The following MTARC2 variants were observed in gnomAD, a reference collection of about 807,000 sequenced individuals.
MTARC2 encodes mitochondrial amidoxime reducing component 2.
MTARC2 carries 27 observed loss-of-function variants against 35.6 expected under a neutral mutation model. The observed-to-expected ratio is 0.76, with a 90% confidence interval of 0.56 to 1.04. MTARC2 has a LOEUF of 1.04. MTARC2 is among the 50% of genes least tolerant of loss of function. The pLI is 0.00. For synonymous variants in MTARC2, 158 were observed against 167.1 expected (o/e 0.95, Z 0.42); for missense variants, 412 against 432.5 (o/e 0.95, Z 0.42).
At chr1:220,755,251 G>A (rs1228825003) in intron 2 of MTARC2, 131 bp downstream of exon 2, 5 of 1,010,990 alleles carry the variant, frequency 4.9e-6, no homozygotes, top group Non-Finnish European at 6.9e-6. Flanking sequence ...TAAGAGAAGT[G>A]CAGTTTGAGT....
intron 4 of MTARC2, among the ~76,000 whole-genome samples, chr1:220,775,360 C>A (rs894679180): frequency 6.6e-5 from 10 of 152,140 alleles, no homozygotes; most frequent in Non-Finnish European, 1.3e-4. Context: ...TTGAAAACTC[C>A]ATAGTTTTAT....
intron 2 of MTARC2, among the ~76,000 whole-genome samples, chr1:220,756,892 C>T (rs943931274): frequency 4.6e-5 from 7 of 152,140 alleles, no homozygotes; most frequent in African/African-American, 1.7e-4. Flanking sequence ...GCAATTGCAG[C>T]CTATTCTTTT....
chr1:220,748,868 T>G (rs1210871566), intron 1 of MTARC2, 65 bp downstream of exon 1: 1 of 1,473,360 alleles, frequency 6.8e-7, no homozygotes, highest in Non-Finnish European at 9.0e-7. Context: ...GGGGGGCAGG[T>G]GGGGCCCGAT....
intron 4 of MTARC2, among the ~76,000 whole-genome samples, chr1:220,777,506 A>T (rs2067632): frequency 0.016 from 2,458 of 152,314 alleles, 40 homozygotes; most frequent in East Asian, 0.056. Context: ...GCCCAAGCGA[A>T]GCAGCCAGGG....
chr1:220,781,064 A>G (rs2102573796), intron 6 of MTARC2, among the ~76,000 whole-genome samples: 1 of 150,598 alleles, frequency 6.6e-6, no homozygotes, highest in African/African-American at 2.5e-5. Context: ...CCCAACGAAG[A>G]TAGTGATTTA....
intron 1 of MTARC2, among the ~76,000 whole-genome samples, chr1:220,751,244 G>C (rs1450561199): frequency 6.6e-6 from 1 of 152,140 alleles, no homozygotes; most frequent in Non-Finnish European, 1.5e-5. Flanking sequence ...AAGGTATTTT[G>C]TTCAAAGCTC....
rs556832311 is a variant in MTARC2 at position 220,754,347 on chromosome 1, T to C, written c.273-600T>C. 1.1e-3 allele frequency: 490 copies of C among 456,290 alleles called. 1 individual carries two copies. Among genetic ancestry groups the C allele is most frequent in the Middle Eastern group, 5.5e-3 (17 of 3,076 alleles). 28.3% of individuals were successfully genotyped at this position (456,290 alleles called of 1,614,324 possible). On this transcript the variant is annotated intron_variant, in intron 1 of 7. Transcript: ENST00000366913. ...TCTTATCTAACATGTGACTTCTGTGTGTCTTTGTTCTCTATGTCAGAATGT... is the reference window on the plus strand; with the variant it reads ...TCTTATCTAACATGTGACTTCTGTGCGTCTTTGTTCTCTATGTCAGAATGT...
chr1:220,761,623 G>A (rs372381002), intron 2 of MTARC2, 35 bp from the exon 3 acceptor site: 1 of 1,586,890 alleles, frequency 6.3e-7, no homozygotes, highest in East Asian at 2.2e-5. Flanking sequence ...ATTGATATAA[G>A]TAAGTAACCT....
chr1:220,760,108 C>T (rs75718666), intron 2 of MTARC2, among the ~76,000 whole-genome samples: 12,513 of 152,160 alleles, frequency 0.082, 1,004 homozygotes, highest in East Asian at 0.24. Context: ...TCAGCAAGTT[C>T]TCCGGTCTCA....
chr1:220,755,971 A>G (rs535130141), intron 2 of MTARC2, among the ~76,000 whole-genome samples: 2 of 152,316 alleles, frequency 1.3e-5, no homozygotes, highest in Admixed American at 1.3e-4. Context: ...TAGCAGCTGT[A>G]TCTCAGGGCT....
At chr1:220,758,975 T>C (rs1011182884) in intron 2 of MTARC2, among the ~76,000 whole-genome samples, 1 of 152,190 alleles carries the variant, frequency 6.6e-6, no homozygotes, top group Non-Finnish European at 1.5e-5. Flanking sequence ...ACCTTATCTA[T>C]GAATATTATT....
Position 220,782,067 on chromosome 1 carries a change from G to A in MTARC2, c.*31+135G>A, listed in dbSNP as rs749924903. ...TTTTATATTCTGATCTTTGGAGTTG[G>A]AAAATGCCCTTAATTTCTGTTCCCT... is the stretch of plus-strand genomic sequence containing the variant. On this transcript the variant is annotated intron_variant, in intron 7 of 7. Transcript: ENST00000366913. The A allele has an allele frequency of 1.0e-5, 8 of 785,942 alleles. No homozygotes were observed. In the South Asian group the frequency reaches 2.0e-4, roughly 20 times the overall value. 48.7% of individuals were successfully genotyped at this position (785,942 alleles called of 1,614,324 possible). A position where few individuals can be genotyped will look rare whatever the true frequency, so the allele number is the denominator to read the frequency against.
chr1:220,770,471 G>A, intron 4 of MTARC2: 1 of 985,412 alleles, frequency 1.0e-6, no homozygotes, highest in Non-Finnish European at 1.2e-6. Context: ...TCGATCCCTT[G>A]TAAGGAGAGG....
rs778354953 is a variant in MTARC2, at chr1:220,781,856, A to C, written c.963A>C (p.Lys321Asn). The C allele has an allele frequency of 6.2e-7, 1 of 1,614,186 alleles. No individual in the cohort carries two copies. Among genetic ancestry groups the C allele is most frequent in the Non-Finnish European group, 8.5e-7 (1 of 1,180,034 alleles). Residue 321 changes from lysine (K) to asparagine (N), a missense_variant, in exon 7 of 8, where the codon AAA becomes AAC. Physicochemically the swap from Lys to Asn is moderately conservative, Grantham distance 94. Transcript: ENST00000366913. The part of the protein sequence containing the change: ...PLFGIYYSVE[K>N]IGSLRVGDPV... ...TTGGGATCTATTATTCAGTGGAAAA[A>C]ATTGGAAGCCTGAGAGTTGGTGACC...
At chr1:220,750,322 TTAGTG>T (rs1671095785) in intron 1 of MTARC2, among the ~76,000 whole-genome samples, 1 of 152,054 alleles carries the variant, frequency 6.6e-6, no homozygotes, top group Admixed American at 6.5e-5. Flanking sequence ...CCAGAGAAAA[TTAGTG>T]TTGCAGGCTA....
chr1:220,774,595 G>A (rs539862591), intron 4 of MTARC2, among the ~76,000 whole-genome samples: 3,611 of 152,300 alleles, frequency 0.024, 109 homozygotes, highest in African/African-American at 0.064. Flanking sequence ...TGAAGGGGCT[G>A]GGATGGTGGT....
In MTARC2 at chr1:220,764,774, TA is replaced by T. The variant is rs199669863; in HGVS notation, c.750+1736del. On this transcript the variant is annotated intron_variant, in intron 4 of 7. Coordinates refer to ENST00000366913, the MANE Select transcript of MTARC2 (RefSeq NM_017898.5). ...GTGACAGAGCGAGAACCTGTGTATT[TA>T]AAAAAAAAAAAGGAAAAGAAAAGAG... 3.1e-3 allele frequency among the ~76,000 whole-genome samples: 456 copies of T among 145,334 alleles called. 1 individual carries two copies. Among genetic ancestry groups the T allele is most frequent in the African/African-American group, 6.5e-3 (260 of 39,754 alleles).
rs780862112 is a variant in MTARC2, at chr1:220,780,251, C to G, written c.884+12C>G. The G allele has an allele frequency of 6.2e-7, 1 of 1,604,222 alleles. No homozygotes were observed. The highest frequency in any genetic ancestry group is 8.5e-7 in the Non-Finnish European group (1 of 1,175,914). ...GACACCCTGAAGAGGTAGAATACCA[C>G]CACAGCCAGTGTATTTTAAATATTA... On this transcript the variant is annotated intron_variant, in intron 6 of 7. Coordinates refer to ENST00000366913, the MANE Select transcript of MTARC2 (RefSeq NM_017898.5).
intron 4 of MTARC2, among the ~76,000 whole-genome samples, chr1:220,773,988 CAT>C (rs1553254631): frequency 4.7e-4 from 70 of 149,860 alleles, no homozygotes; most frequent in African/African-American, 1.5e-3. Flanking sequence ...CACACACACA[CAT>C]ATAAAATGTG....
Sources: gnomAD v4.1 joint callset for allele counts (sites outside exome capture counted in the v4.1 genomes callset) on GRCh38, gnomAD v4.1.1 for gene constraint, MANE v1.5 for transcripts, NCBI Gene and HGNC (gene_info 2026-07-23, HGNC 2026-07-21) for gene names.